Variants in ZHX3 observed in about 807,000 individuals in gnomAD.
ZHX3 encodes the protein zinc fingers and homeoboxes 3.
In ZHX3, 20 loss-of-function variants were observed where a neutral mutation model predicts 64.5. The observed-to-expected ratio is 0.31, with a 90% CI of 0.22 to 0.45. The LOEUF is 0.45. ZHX3 is among the 20% of genes least tolerant of loss of function. ZHX3 has a pLI of 1.00. For synonymous variants in ZHX3, 423 were observed against 461.6 expected, an observed-to-expected ratio of 0.92 and a Z score of 1.07; for missense variants, 1,041 against 1,195.8, an observed-to-expected ratio of 0.87 and a Z score of 1.91.
Position 41,197,097 on chromosome 20 carries a change from G to A in ZHX3, c.2860+4960C>T, listed in dbSNP as rs969630766. 26 of 217,810 alleles carry A rather than the reference G, an allele frequency of 1.2e-4. 2 individuals are homozygous for A. Among genetic ancestry groups the A allele is most frequent in the African/African-American group, 3.7e-4 (16 of 43,324 alleles). 13.5% of individuals were successfully genotyped at this position (217,810 alleles called of 1,614,324 possible). A position where few individuals can be genotyped will look rare whatever the true frequency, so the allele number is the denominator to read the frequency against. The stretch of plus-strand genomic sequence containing the variant: ...TCAGGGCTGATGGAGAGAAGAAGGC[G>A]TATGTTCAACTGGCTCCTGATTACA... On this transcript the variant is annotated intron_variant, in intron 3 of 3. Transcript: ENST00000683867.
At chr20:41,196,140 T>C (rs1262997967) in intron 3 of ZHX3, among the ~76,000 whole-genome samples, 2 of 150,284 alleles carry the variant, frequency 1.3e-5, no homozygotes, top group African/African-American at 2.5e-5. Flanking sequence ...TATTTCCTGA[T>C]TGATCTTCTG....
rs6124329 is a variant in ZHX3 at position 41,200,024 on chromosome 20, A to G, written c.2860+2033T>C. Among the ~76,000 whole-genome samples, 16,873 of 152,158 alleles carry G rather than the reference A, an allele frequency of 0.11. 1,248 individuals carry two copies. The highest frequency in any genetic ancestry group is 0.24 in the South Asian group (1,153 of 4,820). On this transcript the variant is annotated intron_variant, in intron 3 of 3. Coordinates refer to ENST00000683867, the MANE Select transcript of ZHX3 (RefSeq NM_001384317.1). This position sits in a 1 kb window ranked among gnomAD's most constrained non-coding sequence, Gnocchi z 4.2. Reference sequence around the variant, plus strand: ...ACAAAAACTTGACTTTTGGAGGACAAAGTTGTTATTGCCTACCCTGGCACC... The same window carrying G: ...ACAAAAACTTGACTTTTGGAGGACAGAGTTGTTATTGCCTACCCTGGCACC...
At chr20:41,287,930 TC>T (rs1393469770) in intron 1 of ZHX3, among the ~76,000 whole-genome samples, 1 of 152,236 alleles carries the variant, frequency 6.6e-6, no homozygotes, top group Non-Finnish European at 1.5e-5. Flanking sequence ...ATATAAAATA[TC>T]ATGGGATGTA....
rs2042527587 is a variant in ZHX3 at position 41,260,861 on chromosome 20, C to G, written c.-151+8129G>C. 2.0e-5 allele frequency among the ~76,000 whole-genome samples: 3 copies of G among 152,174 alleles called. No individual in the cohort carries two copies. In the South Asian group the frequency reaches 6.2e-4, roughly 31 times the overall value. ...AGCTAATAACTTGCCCAAGGTTACT[C>G]AGCTAGTAGCTGGTAGAGCCAGGAG... On this transcript the variant is annotated intron_variant, in intron 2 of 3. Coordinates refer to ENST00000683867, the MANE Select transcript of ZHX3 (RefSeq NM_001384317.1).
At chr20:41,296,832 C>G (rs1334736213) in intron 1 of ZHX3, among the ~76,000 whole-genome samples, 1 of 152,158 alleles carries the variant, frequency 6.6e-6, no homozygotes, top group East Asian at 1.9e-4. Context: ...CGTATGCATC[C>G]CTCAACCAAA....
chr20:41,260,920 T>A (rs2042531407), intron 2 of ZHX3, among the ~76,000 whole-genome samples: 1 of 152,238 alleles, frequency 6.6e-6, no homozygotes, highest in Non-Finnish European at 1.5e-5. Flanking sequence ...GGGCCCATGC[T>A]CTTAGCACTA....
chr20:41,189,451 A>AT (rs1365523508), intron 3 of ZHX3, among the ~76,000 whole-genome samples: 1 of 151,872 alleles, frequency 6.6e-6, no homozygotes, highest in East Asian at 1.9e-4. Context: ...TTTAATATTA[A>AT]TTTTTCCAAT....
rs1042757428 is a variant in ZHX3, at chr20:41,205,031, C to T, written c.-115G>A. The T allele has an allele frequency of 1.5e-5, 20 of 1,369,522 alleles. No homozygotes were observed. The highest frequency in any genetic ancestry group is 1.6e-5 in the Non-Finnish European group (17 of 1,061,618). The allele number at this position is 1,369,522 out of a possible 1,614,324, so 84.8% of individuals were successfully genotyped here. A position where few individuals can be genotyped will look rare whatever the true frequency, so the allele number is the denominator to read the frequency against. ...AAACAGTTTCTAAATGCAGCTTTTT[C>T]AGTTGTTTGCAGAAAGCAGGTTTTC... On this transcript the variant is annotated 5_prime_UTR_variant, in exon 3 of 4. An upstream open reading frame in the 5' UTR loses its in-frame stop. Coordinates refer to ENST00000683867, the MANE Select transcript of ZHX3 (RefSeq NM_001384317.1).
chr20:41,264,269 A>G (rs539861476), intron 2 of ZHX3, among the ~76,000 whole-genome samples: 1 of 149,680 alleles, frequency 6.7e-6, no homozygotes, highest in African/African-American at 2.5e-5. Flanking sequence ...AAAAATTATG[A>G]GGCATTTTGG....
chr20:41,276,783 A>G (rs868461276), intron 1 of ZHX3, among the ~76,000 whole-genome samples: 1 of 152,238 alleles, frequency 6.6e-6, no homozygotes, highest in Non-Finnish European at 1.5e-5. Context: ...GGAGGAAGAA[A>G]GCACACTGGG....
chr20:41,242,605 G>T (rs573539243), intron 2 of ZHX3, among the ~76,000 whole-genome samples: 2 of 152,150 alleles, frequency 1.3e-5, no homozygotes, highest in Non-Finnish European at 2.9e-5. Context: ...TCTGACCCAT[G>T]ATCTACTAGT....
intron 1 of ZHX3, among the ~76,000 whole-genome samples, chr20:41,304,145 ACTT>A (rs2146818914): frequency 6.6e-6 from 1 of 152,060 alleles, no homozygotes; most frequent in Non-Finnish European, 1.5e-5. Flanking sequence ...GTCTACTCCT[ACTT>A]GGTTTCCAGT....
intron 2 of ZHX3, among the ~76,000 whole-genome samples, chr20:41,257,813 A>G (rs2042342213): frequency 1.4e-5 from 2 of 145,696 alleles, no homozygotes; most frequent in Admixed American, 1.3e-4. Context: ...GGGTTTCACC[A>G]TGCTAGCCAG....
At position 41,204,143 on chromosome 20, in the gene ZHX3, T is replaced by G; in HGVS notation, c.774A>C (p.Ile258=). The G allele has an allele frequency of 1.2e-6, 2 of 1,607,316 alleles. No individual in the cohort carries two copies. The highest frequency in any genetic ancestry group is 1.7e-6 in the Non-Finnish European group (2 of 1,176,636). ...CAGCTGGCAAAACTGGCACTGTTCCTATCAGGGGCCCGTTGGCGGCATGGG... is the reference window on the plus strand; with the variant it reads ...CAGCTGGCAAAACTGGCACTGTTCCGATCAGGGGCCCGTTGGCGGCATGGG... ...KNPHAANGPL[I]GTVPVLPAGI... is the part of the protein sequence containing the mutation. The change falls in exon 3 of 4, where the codon ATA becomes ATC. Residue 258 remains isoleucine (I), a synonymous_variant. Transcript: ENST00000683867. This position sits in a 1 kb window ranked among gnomAD's most constrained non-coding sequence, Gnocchi z 6.6.
In ZHX3 at chr20:41,204,541, A is replaced by C; in HGVS notation, c.376T>G (p.Leu126Val). 6.2e-7 allele frequency: 1 copy of C among 1,614,192 alleles called. No homozygotes were observed. The highest frequency in any genetic ancestry group is 8.5e-7 in the Non-Finnish European group (1 of 1,180,044). ...CCGGAGTGACATGTGGCATTGTGCA[A>C]GGAAAGCCCCTCAGGGGTTTTTGCC... is the stretch of plus-strand genomic sequence containing the variant. ...FLAKTPEGLSLHNATCHSGEA... is the reference protein window; with the variant it reads ...FLAKTPEGLSVHNATCHSGEA... The change falls in exon 3 of 4, where the codon TTG (leucine) becomes GTG (valine). Residue 126 changes from leucine (L) to valine (V), a missense_variant. Leu to Val is a conservative substitution (Grantham distance 32, BLOSUM62 1). Around this residue, in one of 4 missense-constraint regions of ZHX3, gnomAD observed 358 missense variants for 369.1 expected, o/e 0.97. Transcript: ENST00000683867. This position sits in a 1 kb window ranked among gnomAD's most constrained non-coding sequence, Gnocchi z 6.6.
chr20:41,226,596 G>C lies in ZHX3; in HGVS notation c.-150-21530C>G, dbSNP rs945904043. On this transcript the variant is annotated intron_variant, in intron 2 of 3. Transcript: ENST00000683867. This position sits in a 1 kb window ranked among gnomAD's most constrained non-coding sequence, Gnocchi z 4.4. ...TCTCCACAATCCTATGATGCTGGCA[G>C]AGCAGCAGAAATCACAGGAGTCATC... is the stretch of plus-strand genomic sequence containing the variant. Among the ~76,000 whole-genome samples the C allele has an allele frequency of 1.3e-5, 2 of 152,156 alleles. No homozygotes were observed. Among genetic ancestry groups the C allele is most frequent in the Non-Finnish European group, 2.9e-5 (2 of 68,030 alleles).
At chr20:41,292,656 C>T (rs1309399952) in intron 1 of ZHX3, among the ~76,000 whole-genome samples, 2 of 152,188 alleles carry the variant, frequency 1.3e-5, no homozygotes, top group Admixed American at 1.3e-4. Context: ...TTCAACAGTG[C>T]ATCCATTTTA....
At chr20:41,290,860 A>C (rs2044201918) in intron 1 of ZHX3, among the ~76,000 whole-genome samples, 1 of 152,144 alleles carries the variant, frequency 6.6e-6, no homozygotes. Context: ...ATTAGTTACC[A>C]TCTCCTCTCC....
chr20:41,206,589 AGTTT>A (rs2038730270), intron 2 of ZHX3, among the ~76,000 whole-genome samples: 1 of 152,222 alleles, frequency 6.6e-6, no homozygotes, highest in Non-Finnish European at 1.5e-5. Flanking sequence ...TGAAGCGAGA[AGTTT>A]AGAGAGAAAA....
Sources: gnomAD v4.1 joint callset for allele counts (sites outside exome capture counted in the v4.1 genomes callset) on GRCh38, gnomAD v4.1.1 for gene constraint, gnomAD v4.1.1 regional missense constraint, Gnocchi (gnomAD v3.1) non-coding constraint, MANE v1.5 for transcripts, NCBI Gene and HGNC (gene_info 2026-07-23, HGNC 2026-07-21) for gene names.